FHIT: variants seen among roughly 807,000 people sequenced by gnomAD.
FHIT encodes bis(5'-adenosyl)-triphosphatase.
A neutral mutation model predicts 17.9 loss-of-function variants in FHIT; 19 were observed. That is an observed-to-expected ratio of 1.06 (90% CI 0.74 to 1.56). The LOEUF is 1.56. Among genes scored for constraint, FHIT ranks in the 40% most tolerant of loss-of-function variants. FHIT has a pLI of 0.00. For missense variants in FHIT, 248 were observed against 189.2 expected, an observed-to-expected ratio of 1.31 and a Z score of -1.82; for synonymous variants, 81 against 69.7, an observed-to-expected ratio of 1.16 and a Z score of -0.81.
At position 59,882,805 on chromosome 3, in the gene FHIT, T is replaced by C. The variant is rs1444089370; in HGVS notation, c.348+39541A>G. Among the ~76,000 whole-genome samples, 5 of 152,330 alleles carry C rather than the reference T, an allele frequency of 3.3e-5. 1 individual carries two copies. The highest frequency in any genetic ancestry group is 3.9e-4 in the East Asian group (2 of 5,192). ...CCTATATCAGCCTTGGTTTTGCCTT[T>C]GTCACTGAAGAAACATGGCATGTTC... On this transcript the variant is annotated intron_variant, in intron 8 of 9. Coordinates refer to ENST00000492590, the MANE Select transcript of FHIT (RefSeq NM_002012.4).
At chr3:60,106,177 T>C (rs1048794168) in intron 5 of FHIT, among the ~76,000 whole-genome samples, 4 of 152,208 alleles carry the variant, frequency 2.6e-5, no homozygotes, top group Non-Finnish European at 5.9e-5. Flanking sequence ...ATGGCAGTGC[T>C]TATGTTTAAG....
chr3:60,463,422 T>A (rs1318344176), intron 5 of FHIT, among the ~76,000 whole-genome samples: 1 of 152,204 alleles, frequency 6.6e-6, no homozygotes, highest in Non-Finnish European at 1.5e-5. Context: ...GGCTAACCAA[T>A]GAAACACTAA....
intron 4 of FHIT, among the ~76,000 whole-genome samples, chr3:60,568,479 G>T (rs1470043026): frequency 1.4e-5 from 2 of 147,974 alleles, no homozygotes; most frequent in Admixed American, 6.8e-5. Flanking sequence ...AGGGGGGAGG[G>T]ATAGCATTAG....
At chr3:59,895,588 C>A (rs535927749) in intron 8 of FHIT, among the ~76,000 whole-genome samples, 2 of 152,292 alleles carry the variant, frequency 1.3e-5, no homozygotes, top group Non-Finnish European at 2.9e-5. Context: ...GATGCCACAT[C>A]CAGAACCTAA....
At chr3:59,864,342 C>T (rs757183298) in intron 8 of FHIT, among the ~76,000 whole-genome samples, 1 of 152,070 alleles carries the variant, frequency 6.6e-6, no homozygotes, top group Non-Finnish European at 1.5e-5. Flanking sequence ...GGGGCTTCTG[C>T]TTTTGGTTCT....
chr3:61,072,870 T>C (rs1390030834), intron 2 of FHIT, among the ~76,000 whole-genome samples: 2 of 152,120 alleles, frequency 1.3e-5, no homozygotes, highest in African/African-American at 2.4e-5. Context: ...GTATACACAG[T>C]ATATACTTGT....
intron 5 of FHIT, among the ~76,000 whole-genome samples, chr3:60,339,528 C>G (rs1429421059): frequency 6.6e-6 from 1 of 152,144 alleles, no homozygotes; most frequent in African/African-American, 2.4e-5. Context: ...ACCTCAAGTA[C>G]GTGTCAGAGG....
chr3:60,016,354 AAGG>A (rs1480581453), intron 5 of FHIT, among the ~76,000 whole-genome samples: 1 of 151,658 alleles, frequency 6.6e-6, no homozygotes, highest in Non-Finnish European at 1.5e-5. Context: ...TATAGCTGAC[AAGG>A]AGATTTCTCA....
intron 3 of FHIT, among the ~76,000 whole-genome samples, chr3:60,901,380 A>G (rs1360298322): frequency 6.6e-6 from 1 of 152,266 alleles, no homozygotes; most frequent in Non-Finnish European, 1.5e-5. Context: ...GACAAATAAC[A>G]TAACAATGAC....
chr3:60,507,988 A>C (rs552030296), intron 5 of FHIT, among the ~76,000 whole-genome samples: 3 of 152,164 alleles, frequency 2.0e-5, no homozygotes, highest in African/African-American at 7.2e-5. Context: ...GAACATATGC[A>C]TGCATGTGTC....
At chr3:59,870,795 C>T (rs146374980) in intron 8 of FHIT, among the ~76,000 whole-genome samples, 66 of 152,242 alleles carry the variant, frequency 4.3e-4, no homozygotes, top group South Asian at 2.7e-3. Context: ...TAGAAGCAGA[C>T]ACACATAGGC....
intron 4 of FHIT, among the ~76,000 whole-genome samples, chr3:60,667,928 TC>T (rs1356692028): frequency 6.6e-6 from 1 of 151,938 alleles, no homozygotes; most frequent in Non-Finnish European, 1.5e-5. Flanking sequence ...AGAACAGATT[TC>T]CCCACACTGG....
chr3:60,511,074 T>C (rs978723025), intron 5 of FHIT, among the ~76,000 whole-genome samples: 1 of 152,148 alleles, frequency 6.6e-6, no homozygotes, highest in Non-Finnish European at 1.5e-5. Flanking sequence ...TGGTCAAGAA[T>C]CTAAACTCTA....
intron 5 of FHIT, among the ~76,000 whole-genome samples, chr3:60,502,741 A>C (rs939395553): frequency 1.5e-4 from 23 of 152,238 alleles, no homozygotes; most frequent in South Asian, 4.1e-4. Context: ...GGCTGACGAC[A>C]ACACTATGAC....
intron 5 of FHIT, among the ~76,000 whole-genome samples, chr3:60,457,982 G>C (rs1327981130): frequency 1.3e-5 from 2 of 152,176 alleles, no homozygotes; most frequent in Non-Finnish European, 2.9e-5. Flanking sequence ...TACACTGTTG[G>C]TAGGAATGTA....
At chr3:60,190,388 G>A (rs1576281302) in intron 5 of FHIT, among the ~76,000 whole-genome samples, 1 of 151,854 alleles carries the variant, frequency 6.6e-6, no homozygotes, top group East Asian at 1.9e-4. Context: ...AAAGAAAAAA[G>A]GTGGAAAAGA....
At chr3:60,894,804 A>T (rs1575655632) in intron 3 of FHIT, among the ~76,000 whole-genome samples, 1 of 152,246 alleles carries the variant, frequency 6.6e-6, no homozygotes, top group East Asian at 1.9e-4. Flanking sequence ...TCCATTTGCT[A>T]TTATTTTGCC....
In FHIT at chr3:60,839,030, A is replaced by G. The variant is rs145472159; in HGVS notation, c.-110-17019T>C. ...ATCTGTGAGACTGAATGCCTGGCTG[A>G]GGTATAGAACACCCATTGGAACAAG... On this transcript the variant is annotated intron_variant, in intron 3 of 9. Coordinates refer to ENST00000492590, the MANE Select transcript of FHIT (RefSeq NM_002012.4). Among the ~76,000 whole-genome samples the G allele has an allele frequency of 8.5e-5, 13 of 152,224 alleles. 1 individual carries two copies. In the East Asian group the frequency reaches 2.5e-3, roughly 30 times the overall value.
At chr3:61,115,660 G>T (rs998518416) in intron 2 of FHIT, among the ~76,000 whole-genome samples, 1 of 152,160 alleles carries the variant, frequency 6.6e-6, no homozygotes, top group African/African-American at 2.4e-5. Context: ...AAGGATGGAA[G>T]TGCCATTTAT....
Sources: allele counts gnomAD v4.1 joint callset (sites outside exome capture counted in the v4.1 genomes callset), GRCh38; gene constraint gnomAD v4.1.1; transcripts MANE v1.5; gene names NCBI Gene and HGNC (gene_info 2026-07-23, HGNC 2026-07-21).